The following NAF1 variants were observed in gnomAD, a reference collection of about 807,000 sequenced individuals.
NAF1 encodes H/ACA ribonucleoprotein complex non-core subunit NAF1.
Under a neutral mutation model 40.6 loss-of-function variants are expected in NAF1, and 11 were observed. The observed-to-expected ratio is 0.27, with a 90% CI of 0.17 to 0.45. The LOEUF (loss-of-function observed/expected upper bound fraction) is 0.45. Among genes scored for constraint, NAF1 ranks in the 20% least tolerant of loss-of-function variants. NAF1 has a pLI of 1.00. For missense variants in NAF1, 607 were observed against 611.1 expected (o/e 0.99, Z 0.07); for synonymous variants, 260 against 228.5 (o/e 1.14, Z -1.24).
chr4:163,114,695 T>C (rs1028429864), intron 2 of NAF1, among the ~76,000 whole-genome samples: 3 of 152,214 alleles, frequency 2.0e-5, no homozygotes, highest in Non-Finnish European at 4.4e-5. Context: ...CTTTATAATG[T>C]CCTTGTCAGA....
chr4:163,110,072 T>C (rs1230325686), downstream of NAF1: 3 of 473,174 alleles, frequency 6.3e-6, no homozygotes, highest in Non-Finnish European at 7.5e-6. Flanking sequence ...TTCAGTAAGA[T>C]AGCTTTTCAT....
intron 5 of NAF1, among the ~76,000 whole-genome samples, chr4:163,138,886 A>C (rs1731154045): frequency 6.6e-6 from 1 of 152,184 alleles, no homozygotes; most frequent in Non-Finnish European, 1.5e-5. Flanking sequence ...TATTCAAAGC[A>C]GGATGAAATG....
intron 2 of NAF1, among the ~76,000 whole-genome samples, chr4:163,115,490 C>T (rs1224476929): frequency 1.3e-5 from 2 of 152,150 alleles, no homozygotes; most frequent in African/African-American, 4.8e-5. Context: ...GCCACCACAC[C>T]CAGCCAGGAC....
downstream of NAF1, among the ~76,000 whole-genome samples, chr4:163,109,608 TACAG>T (rs1730106942): frequency 6.6e-6 from 1 of 152,114 alleles, no homozygotes; most frequent in Non-Finnish European, 1.5e-5. Context: ...AAAAAGCACA[TACAG>T]AAAGAACACA....
downstream of NAF1, among the ~76,000 whole-genome samples, chr4:163,128,414 A>G (rs1730731651): frequency 6.6e-6 from 1 of 152,156 alleles, no homozygotes; most frequent in Non-Finnish European, 1.5e-5. Flanking sequence ...CAACTGCTTT[A>G]AAAAGAAAAA....
chr4:163,140,160 A>G, intron 5 of NAF1, 63 bp downstream of exon 5: 1 of 1,318,624 alleles, frequency 7.6e-7, no homozygotes, highest in Non-Finnish European at 1.0e-6. Flanking sequence ...TACATCACTG[A>G]GAATTATTCT....
intron 2 of NAF1, among the ~76,000 whole-genome samples, chr4:163,120,476 C>G (rs1730485418): frequency 6.6e-6 from 1 of 152,154 alleles, no homozygotes; most frequent in South Asian, 2.1e-4. Flanking sequence ...ACCACATAAA[C>G]AAGGTCAGTT....
At chr4:163,136,335 AAAAAAAAAAAC>A (rs1161537329) in intron 6 of NAF1, 10 of 142,714 alleles carry the variant, frequency 7.0e-5, no homozygotes, top group Middle Eastern at 7.1e-3. Flanking sequence ...ATTTGTTAAA[AAAAAAAAAAAC>A]AAAAAAAAAA....
At chr4:163,159,016 T>C (rs780473624) in intron 2 of NAF1, among the ~76,000 whole-genome samples, 1 of 152,108 alleles carries the variant, frequency 6.6e-6, no homozygotes, top group African/African-American at 2.4e-5. Context: ...CTTTAACAGA[T>C]ATTTGTCTTT....
Position 163,128,999 on chromosome 4 carries a change from T to C in NAF1, c.1383A>G (p.Leu461=), listed in dbSNP as rs1202272977. 1.6e-5 allele frequency: 25 copies of C among 1,533,152 alleles called. No homozygotes were observed. The highest frequency in any genetic ancestry group is 8.3e-5 in the Admixed American group (4 of 47,920). 95.0% of individuals were successfully genotyped at this position (1,533,152 alleles called of 1,614,324 possible). The part of the protein sequence containing the change: ...WATPNMAAHP[L]LNLPYSLPPP... Reference sequence around the variant, plus strand: ...GGGGTAGGGAGTATGGTAAGTTAAGTAATGGATGAGCAGCCATGTTTGGTG... The same window carrying C: ...GGGGTAGGGAGTATGGTAAGTTAAGCAATGGATGAGCAGCCATGTTTGGTG... Residue 461 remains leucine (L), a synonymous_variant, in exon 8 of 8, where the codon TTA becomes TTG. Transcript: ENST00000274054.
intron 2 of NAF1, among the ~76,000 whole-genome samples, chr4:163,154,825 C>G (rs4402993): frequency 0.26 from 39,941 of 151,200 alleles, 5,666 homozygotes; most frequent in African/African-American, 0.37. Context: ...GAGCAGAGAT[C>G]GCACCATTGC....
chr4:163,118,415 G>C (rs1205372052), intron 2 of NAF1, among the ~76,000 whole-genome samples: 3 of 152,170 alleles, frequency 2.0e-5, no homozygotes. Context: ...TATGAGAACT[G>C]AAGTCTATTC....
chr4:163,145,504 C>T (rs886338445), intron 4 of NAF1, among the ~76,000 whole-genome samples: 2 of 152,170 alleles, frequency 1.3e-5, no homozygotes, highest in Non-Finnish European at 1.5e-5. Context: ...TTATGCATTA[C>T]GTAGACTCAC....
chr4:163,123,535 C>T (rs760992117), downstream of NAF1, among the ~76,000 whole-genome samples: 25 of 152,126 alleles, frequency 1.6e-4, no homozygotes, highest in Non-Finnish European at 3.5e-4. Flanking sequence ...GCATGCGTAA[C>T]CATGCTCGGC....
chr4:163,128,624 A>G (rs1048508828), downstream of NAF1: 4 of 298,324 alleles, frequency 1.3e-5, no homozygotes, highest in Non-Finnish European at 2.0e-5. Context: ...ATATATATAT[A>G]GTTTAACTGG....
chr4:163,111,838 GAGTTTGATGTCCTGGAAGCCA>G (rs1730168610), intron 2 of NAF1, among the ~76,000 whole-genome samples: 1 of 152,114 alleles, frequency 6.6e-6, no homozygotes, highest in African/African-American at 2.4e-5. Context: ...AAAAGTAAAA[GAGTTTGATGTCCTGGAAGCCA>G]AGTGGGAAAC....
rs143703322 is a variant in NAF1, at chr4:163,112,582, C to T, written c.115-2292G>A. On this transcript the variant is annotated intron_variant, in intron 2 of 2. Transcript: ENST00000509434. ...CTCAACCACTCCTTCTGGAAATGGA[C>T]ATTGGATTTGGGCTCCCCCTAGAAA... 3.2e-3 allele frequency among the ~76,000 whole-genome samples: 482 copies of T among 152,238 alleles called. 3 individuals carry two copies. The highest frequency in any genetic ancestry group is 0.01 in the African/African-American group (435 of 41,526).
chr4:163,143,652 A>G (rs975104005), intron 4 of NAF1, among the ~76,000 whole-genome samples: 9 of 152,170 alleles, frequency 5.9e-5, no homozygotes, highest in South Asian at 2.1e-4. Context: ...AACAATAAAT[A>G]TATCAAGGAT....
At chr4:163,111,026 T>G (rs1052437697) in intron 2 of NAF1, among the ~76,000 whole-genome samples, 7 of 152,268 alleles carry the variant, frequency 4.6e-5, no homozygotes, top group African/African-American at 1.7e-4. Flanking sequence ...TTTTTGAAGG[T>G]TCCTCAGAAA....
Sources: gnomAD v4.1 joint callset for allele counts (sites outside exome capture counted in the v4.1 genomes callset) on GRCh38, gnomAD v4.1.1 for gene constraint, MANE v1.5 for transcripts, NCBI Gene and HGNC (gene_info 2026-07-23, HGNC 2026-07-21) for gene names.